COL19A1: variants seen among roughly 807,000 people sequenced by gnomAD.
COL19A1 encodes the protein collagen type XIX alpha 1 chain.
In COL19A1, 159 loss-of-function variants were observed where a neutral mutation model predicts 190.2. That is an observed-to-expected ratio of 0.84 (90% CI 0.73 to 0.95). The LOEUF (loss-of-function observed/expected upper bound fraction) is 0.95. Ranked by LOEUF, COL19A1 falls within the 40% of genes least tolerant of loss-of-function variation. The probability of loss-of-function intolerance (pLI) is 0.00; values close to 1 mark genes in which losing one functional copy is unlikely to be tolerated. For missense variants in COL19A1, 1,418 were observed against 1,431.9 expected (o/e 0.99, Z 0.16); for synonymous variants, 509 against 458.9 (o/e 1.11, Z -1.39).
At chr6:69,981,343 C>T (rs571533394) in intron 11 of COL19A1, among the ~76,000 whole-genome samples, 1 of 151,924 alleles carries the variant, frequency 6.6e-6, no homozygotes, top group Admixed American at 6.6e-5. Flanking sequence ...TAGGATTCTG[C>T]TGGGTAATCT....
intron 33 of COL19A1, 62 bp downstream of exon 33, chr6:70,156,431 C>T: frequency 6.6e-7 from 1 of 1,507,926 alleles, no homozygotes; most frequent in Non-Finnish European, 9.1e-7. Flanking sequence ...AAAAAAAGAA[C>T]CCGATTTGAA....
At chr6:70,190,146 G>T (rs1412200471) in intron 47 of COL19A1, among the ~76,000 whole-genome samples, 169 bp from the exon 48 acceptor site, 2 of 152,132 alleles carry the variant, frequency 1.3e-5, no homozygotes, top group Non-Finnish European at 2.9e-5. Context: ...CCCAGAATTT[G>T]GTCAAAGCAA....
chr6:70,118,215 A>G (rs575273275), intron 16 of COL19A1, among the ~76,000 whole-genome samples: 3 of 152,366 alleles, frequency 2.0e-5, no homozygotes, highest in Admixed American at 2.0e-4. Flanking sequence ...AATAGAAGAT[A>G]GAAAAATAGC....
intron 15 of COL19A1, among the ~76,000 whole-genome samples, chr6:70,085,787 C>G (rs184713782): frequency 1.7e-3 from 263 of 152,164 alleles, no homozygotes; most frequent in African/African-American, 5.6e-3. Flanking sequence ...ACCTGGATCA[C>G]TAGACCCAAA....
intron 37 of COL19A1, 35 bp downstream of exon 37, chr6:70,166,020 G>A: frequency 6.3e-7 from 1 of 1,586,722 alleles, no homozygotes; most frequent in African/African-American, 1.3e-5. Context: ...TAAAATTCAT[G>A]TGTTTACTTA....
At chr6:69,875,754 T>C (rs1768092851) in intron 1 of COL19A1, among the ~76,000 whole-genome samples, 1 of 152,140 alleles carries the variant, frequency 6.6e-6, no homozygotes, top group Admixed American at 6.5e-5. Context: ...TCTGGATGTA[T>C]TAAGTTATAG....
At chr6:70,127,293 A>C (rs1199314474) in intron 17 of COL19A1, among the ~76,000 whole-genome samples, 1 of 152,136 alleles carries the variant, frequency 6.6e-6, no homozygotes, top group Non-Finnish European at 1.5e-5. Context: ...AAGTTTTGAG[A>C]AATGGAGGCC....
At chr6:70,023,064 A>T (rs1778504676) in intron 11 of COL19A1, among the ~76,000 whole-genome samples, 1 of 151,970 alleles carries the variant, frequency 6.6e-6, no homozygotes, top group Admixed American at 6.5e-5. Context: ...CCTTCCAGAA[A>T]GTTCTTTGTT....
chr6:69,981,874 G>T (rs1405142412), intron 11 of COL19A1, among the ~76,000 whole-genome samples: 1 of 152,032 alleles, frequency 6.6e-6, no homozygotes, highest in African/African-American at 2.4e-5. Context: ...TGTATTTAAG[G>T]ATTTATATAA....
intron 11 of COL19A1, among the ~76,000 whole-genome samples, chr6:69,985,942 G>A (rs573041484): frequency 6.6e-6 from 1 of 151,970 alleles, no homozygotes; most frequent in Admixed American, 6.6e-5. Context: ...TAGGGTCTTT[G>A]GAAAATACAG....
chr6:69,985,562 C>G (rs1412577041), intron 11 of COL19A1, among the ~76,000 whole-genome samples: 1 of 151,774 alleles, frequency 6.6e-6, no homozygotes, highest in African/African-American at 2.4e-5. Flanking sequence ...GAAGATAGGA[C>G]TTCTGAAAAA....
At chr6:69,930,645 T>A (rs943026304) in intron 6 of COL19A1, among the ~76,000 whole-genome samples, 1 of 151,902 alleles carries the variant, frequency 6.6e-6, no homozygotes, top group African/African-American at 2.4e-5. Flanking sequence ...GGTGAAACCC[T>A]GTCTCTACTA....
intron 2 of COL19A1, chr6:69,891,097 G>A: frequency 4.0e-6 from 1 of 250,520 alleles, no homozygotes; most frequent in Non-Finnish European, 8.3e-6. Context: ...CCATTTGTTA[G>A]AAAACACATA....
At chr6:69,985,377 C>T (rs1160519789) in intron 11 of COL19A1, among the ~76,000 whole-genome samples, 1 of 152,110 alleles carries the variant, frequency 6.6e-6, no homozygotes, top group African/African-American at 2.4e-5. Flanking sequence ...ACCCTTACTG[C>T]CATCCAGAGG....
chr6:69,896,818 T>G (rs1769806438), intron 2 of COL19A1, among the ~76,000 whole-genome samples: 1 of 152,212 alleles, frequency 6.6e-6, no homozygotes, highest in Non-Finnish European at 1.5e-5. Flanking sequence ...TTTTTGCACA[T>G]TTTTAGAATA....
At chr6:70,016,701 C>G (rs1382772237) in intron 11 of COL19A1, among the ~76,000 whole-genome samples, 2 of 151,330 alleles carry the variant, frequency 1.3e-5, no homozygotes, top group Non-Finnish European at 2.9e-5. Context: ...AGAAGGCAAA[C>G]TAAAAATGGA....
chr6:70,184,081 T>G lies in COL19A1; in HGVS notation c.2776-622T>G, dbSNP rs561534071. ...TTCCAGTTTTCTAATAAAAAGTGAC[T>G]AATACTGTCAAAAACCATGATTATA... On this transcript the variant is annotated intron_variant, in intron 44 of 50. Coordinates refer to ENST00000620364, the MANE Select transcript of COL19A1 (RefSeq NM_001858.6). Among the ~76,000 whole-genome samples the G allele has an allele frequency of 3.9e-5, 6 of 152,372 alleles. No individual in the cohort carries two copies. In the South Asian group the frequency reaches 1.0e-3, roughly 26 times the overall value.
At chr6:70,040,812 C>T (rs892337431) in intron 14 of COL19A1, among the ~76,000 whole-genome samples, 2 of 152,122 alleles carry the variant, frequency 1.3e-5, no homozygotes, top group African/African-American at 4.8e-5. Flanking sequence ...TGTCAATCTA[C>T]TTGACTTGAT....
intron 12 of COL19A1, among the ~76,000 whole-genome samples, chr6:70,027,889 G>C (rs925596208): frequency 1.3e-5 from 2 of 152,042 alleles, no homozygotes; most frequent in African/African-American, 4.8e-5. Context: ...GACTATCTGG[G>C]TTCACATCCC....
Sources: gnomAD v4.1 joint callset for allele counts (sites outside exome capture counted in the v4.1 genomes callset) on GRCh38, gnomAD v4.1.1 for gene constraint, MANE v1.5 for transcripts, NCBI Gene and HGNC (gene_info 2026-07-23, HGNC 2026-07-21) for gene names.